TNC: variants seen among roughly 807,000 people sequenced by gnomAD.
The protein encoded by TNC is tenascin.
TNC carries 109 observed loss-of-function variants against 202.4 expected under a neutral mutation model. The ratio of observed to expected loss-of-function variants is 0.54; its 90% CI spans 0.46 to 0.63. The LOEUF is 0.63. Among genes scored for constraint, TNC ranks in the 30% least tolerant of loss-of-function variants. TNC has a pLI of 0.00. For synonymous variants in TNC, 1,007 were observed against 1,089.7 expected (o/e 0.92, Z 1.50); for missense variants, 2,756 against 2,833.3 (o/e 0.97, Z 0.62).
At chr9:115,101,996 A>ATT (rs1473823267) in intron 1 of TNC, among the ~76,000 whole-genome samples, 1 of 152,182 alleles carries the variant, frequency 6.6e-6, no homozygotes. Flanking sequence ...TTAAGTGTTG[A>ATT]TTTTGCCAGA....
chr9:115,106,790 C>T (rs1268347542), intron 1 of TNC, among the ~76,000 whole-genome samples: 1 of 152,122 alleles, frequency 6.6e-6, no homozygotes, highest in Non-Finnish European at 1.5e-5. Context: ...GAGAGCGTTT[C>T]AGAGGGGCTG....
chr9:115,046,258 A>T lies in TNC; in HGVS notation c.5125+152T>A, dbSNP rs1290700387. 37 of 925,566 alleles carry T rather than the reference A, an allele frequency of 4.0e-5. No homozygotes were observed. The East Asian group carries it at 9.0e-4, about 22-fold the overall frequency. The allele number at this position is 925,566 out of a possible 1,614,324, so 57.3% of individuals were successfully genotyped here. ...CTTTTTTTGCATAAGGACTTAGCCA[A>T]ATTGTCCAAGGTAACACAGTCTGTA... On this transcript the variant is annotated intron_variant, in intron 17 of 27. Coordinates refer to ENST00000350763, the MANE Select transcript of TNC (RefSeq NM_002160.4).
chr9:115,036,620 C>G (rs1052471183), intron 20 of TNC, among the ~76,000 whole-genome samples: 1 of 152,130 alleles, frequency 6.6e-6, no homozygotes, highest in South Asian at 2.1e-4. Context: ...GCATGCTCTC[C>G]TCTCTTTGTC....
intron 27 of TNC, among the ~76,000 whole-genome samples, chr9:115,022,368 AGGGTTG>A (rs1474792335): frequency 2.6e-5 from 4 of 152,226 alleles, no homozygotes; most frequent in African/African-American, 9.6e-5. Flanking sequence ...CTGATAGTTC[AGGGTTG>A]GAAGCCACGC....
chr9:115,055,155 G>A (rs1312671239), intron 15 of TNC, among the ~76,000 whole-genome samples: 1 of 152,142 alleles, frequency 6.6e-6, no homozygotes, highest in Non-Finnish European at 1.5e-5. Flanking sequence ...ATGATAATGG[G>A]TGGGATTGAA....
chr9:115,081,624 T>C (rs1736368696), intron 6 of TNC, 148 bp downstream of exon 6: 4 of 909,154 alleles, frequency 4.4e-6, no homozygotes, highest in Non-Finnish European at 6.7e-6. Flanking sequence ...CAAAGAATTG[T>C]TATTTTAAAC....
At chr9:115,080,897 A>G (rs1455662451) in intron 6 of TNC, among the ~76,000 whole-genome samples, 1 of 60,682 alleles carries the variant, frequency 1.6e-5, no homozygotes, top group Non-Finnish European at 3.2e-5. Flanking sequence ...GGGTGACAGA[A>G]AAAAAAAAAA....
At chr9:115,026,490 G>T in intron 26 of TNC, 44 bp downstream of exon 26, 1 of 1,583,414 alleles carries the variant, frequency 6.3e-7, no homozygotes. Context: ...ATGTCAAGAA[G>T]GTCTCCATGG....
chr9:115,062,980 CTG>C lies in TNC; in HGVS notation c.3968_3969del (p.Thr1323SerfsTer34). 6.2e-7 allele frequency: 1 copy of C among 1,614,068 alleles called. No individual in the cohort carries two copies. Among genetic ancestry groups the C allele is most frequent in the Non-Finnish European group, 8.5e-7 (1 of 1,180,010 alleles). On this transcript the variant is annotated frameshift_variant, in exon 13 of 28. Coordinates refer to ENST00000350763, the MANE Select transcript of TNC (RefSeq NM_002160.4). LOFTEE classifies it high-confidence loss of function. ...CCCCTGACCTCGCCGTGCAGGGTGA[CTG>C]TGTAAGGAGTGCCAGCCCTGAGGCC... The part of the protein sequence containing the change: ...IPGLRAGTPY[T>X]VTLHGEVRGH...
At chr9:115,047,075 C>A (rs1831254399) in intron 16 of TNC, among the ~76,000 whole-genome samples, 2 of 151,932 alleles carry the variant, frequency 1.3e-5, no homozygotes. Flanking sequence ...TTTTTCTTTT[C>A]TTTTTGAAAA....
intron 7 of TNC, among the ~76,000 whole-genome samples, chr9:115,077,214 C>T (rs1388301888): frequency 2.0e-5 from 3 of 152,212 alleles, no homozygotes; most frequent in African/African-American, 7.2e-5. Context: ...GCCACCACGC[C>T]TGGCTAATTT....
intron 1 of TNC, among the ~76,000 whole-genome samples, chr9:115,094,998 A>G (rs1835530096): frequency 6.6e-6 from 1 of 152,142 alleles, no homozygotes. Flanking sequence ...TTGAGAATGT[A>G]GCAGGTTCCA....
chr9:115,100,636 A>G (rs1836154856), intron 1 of TNC, among the ~76,000 whole-genome samples: 1 of 152,192 alleles, frequency 6.6e-6, no homozygotes, highest in African/African-American at 2.4e-5. Flanking sequence ...GGAGGCCTTC[A>G]AAAAGGAGTG....
intron 16 of TNC, among the ~76,000 whole-genome samples, chr9:115,047,827 A>T (rs761844873): frequency 1.3e-5 from 2 of 152,220 alleles, no homozygotes; most frequent in African/African-American, 4.8e-5. Flanking sequence ...TCCAATGACG[A>T]GCCCACTGGG....
At chr9:115,042,162 T>C (rs1416006768) in intron 18 of TNC, 57 bp downstream of exon 18, 2 of 1,562,214 alleles carry the variant, frequency 1.3e-6, no homozygotes, top group African/African-American at 1.4e-5. Context: ...GTCTTTTTCA[T>C]GAATCCATCC....
intron 13 of TNC, 112 bp downstream of exon 13, chr9:115,062,805 C>A: frequency 8.0e-7 from 1 of 1,250,064 alleles, no homozygotes; most frequent in Non-Finnish European, 1.1e-6. Context: ...TAGAGATTCA[C>A]GCTGTCTGTC....
At chr9:115,114,732 A>G (rs1325157559) in intron 1 of TNC, among the ~76,000 whole-genome samples, 1 of 152,220 alleles carries the variant, frequency 6.6e-6, no homozygotes, top group Non-Finnish European at 1.5e-5. Context: ...AGCAGAAAGA[A>G]CAGTGGGGTA....
chr9:115,027,701 G>T (rs955028199), intron 25 of TNC, among the ~76,000 whole-genome samples: 10 of 152,142 alleles, frequency 6.6e-5, no homozygotes, highest in African/African-American at 2.4e-4. Context: ...TCTGGGGTAG[G>T]CAGTGGTGCA....
intron 17 of TNC, among the ~76,000 whole-genome samples, chr9:115,045,903 T>A (rs1588049398): frequency 6.6e-6 from 1 of 152,148 alleles, no homozygotes; most frequent in African/African-American, 2.4e-5. Flanking sequence ...TTTATAAATA[T>A]TAATGTGTAT....
Sources: allele counts gnomAD v4.1 joint callset (sites outside exome capture counted in the v4.1 genomes callset), GRCh38; gene constraint gnomAD v4.1.1; transcripts MANE v1.5; gene names NCBI Gene and HGNC (gene_info 2026-07-23, HGNC 2026-07-21).